Variants in SOX5 observed in about 807,000 individuals in gnomAD.
The protein encoded by SOX5 is SRY-box transcription factor 5.
SOX5 carries 9 observed loss-of-function variants against 92.0 expected under a neutral mutation model. The ratio of observed to expected loss-of-function variants is 0.10; its 90% CI spans 0.06 to 0.17. The LOEUF (loss-of-function observed/expected upper bound fraction) is 0.17, where lower values mean the gene tolerates loss of function less well. SOX5 is among the 10% of genes least tolerant of loss of function. The pLI is 1.00. For synonymous variants in SOX5, 344 were observed against 336.3 expected, an observed-to-expected ratio of 1.02 and a Z score of -0.25; for missense variants, 642 against 944.5, an observed-to-expected ratio of 0.68 and a Z score of 4.20.
chr12:23,871,080 T>G (rs997558587), intron 2 of SOX5, among the ~76,000 whole-genome samples: 2 of 152,140 alleles, frequency 1.3e-5, no homozygotes, highest in Non-Finnish European at 2.9e-5. Flanking sequence ...AGGTGTATAT[T>G]TTTCCTCAAA....
chr12:24,029,223 T>C (rs919279511), intron 4 of SOX5, among the ~76,000 whole-genome samples: 4 of 152,106 alleles, frequency 2.6e-5, no homozygotes, highest in South Asian at 2.1e-4. Flanking sequence ...CAGTTAAATG[T>C]ACCTTAATAG....
chr12:23,696,145 G>A (rs2089814903), intron 6 of SOX5, among the ~76,000 whole-genome samples: 1 of 151,798 alleles, frequency 6.6e-6, no homozygotes, highest in African/African-American at 2.4e-5. Flanking sequence ...GTGGTTTTGG[G>A]AAGTATTCAT....
At chr12:24,488,918 T>C (rs1946783606) in intron 1 of SOX5, among the ~76,000 whole-genome samples, 1 of 152,198 alleles carries the variant, frequency 6.6e-6, no homozygotes. Context: ...GATTCTATAT[T>C]TTTAAAATAT....
rs139161296 is a variant in SOX5 at position 23,622,374 on chromosome 12, G to A, written c.1018-17841C>T. ...TTCAGTTCATATTCCAATGAGTGAA[G>A]TGACAAATTAGCTTTTTTAAAAAAA... On this transcript the variant is annotated intron_variant, in intron 8 of 14. Transcript: ENST00000451604. 2.0e-3 allele frequency among the ~76,000 whole-genome samples: 311 copies of A among 151,914 alleles called. 1 individual carries two copies. Among genetic ancestry groups the A allele is most frequent in the African/African-American group, 7.0e-3 (290 of 41,460 alleles).
At chr12:24,305,601 G>T (rs1948473316) in intron 2 of SOX5, among the ~76,000 whole-genome samples, 1 of 152,144 alleles carries the variant, frequency 6.6e-6, no homozygotes, top group Non-Finnish European at 1.5e-5. Flanking sequence ...TTATTTGTGT[G>T]TGTGGTTTTT....
intron 1 of SOX5, among the ~76,000 whole-genome samples, chr12:23,947,481 G>A (rs544844987): frequency 2.6e-5 from 4 of 151,896 alleles, no homozygotes; most frequent in Non-Finnish European, 4.4e-5. Context: ...ACACTCACCC[G>A]TACAAATTCA....
intron 3 of SOX5, among the ~76,000 whole-genome samples, chr12:23,814,359 T>G (rs2095942389): frequency 6.6e-6 from 1 of 152,176 alleles, no homozygotes; most frequent in South Asian, 2.1e-4. Context: ...ACTATACTCT[T>G]GCACAATGAG....
intron 2 of SOX5, among the ~76,000 whole-genome samples, chr12:24,319,919 A>G (rs972843409): frequency 1.3e-5 from 2 of 152,226 alleles, no homozygotes; most frequent in Non-Finnish European, 2.9e-5. Context: ...CATTCCTGAC[A>G]AACTTAACAA....
chr12:24,526,988 C>T (rs1950769133), intron 1 of SOX5, among the ~76,000 whole-genome samples: 1 of 151,956 alleles, frequency 6.6e-6, no homozygotes. Context: ...CATACAGTCT[C>T]TGTATGGTGC....
At chr12:24,546,923 C>A (rs1356014399) in intron 1 of SOX5, among the ~76,000 whole-genome samples, 4 of 152,124 alleles carry the variant, frequency 2.6e-5, no homozygotes, top group Non-Finnish European at 4.4e-5. Flanking sequence ...AAGGCTTGGA[C>A]ATAGGCCATT....
intron 6 of SOX5, among the ~76,000 whole-genome samples, chr12:23,702,961 C>T (rs1242270329): frequency 6.6e-6 from 1 of 152,014 alleles, no homozygotes; most frequent in Non-Finnish European, 1.5e-5. Context: ...CCATGGGTAA[C>T]TGCACATTCA....
intron 3 of SOX5, among the ~76,000 whole-genome samples, chr12:24,219,456 T>C (rs1959870455): frequency 6.6e-6 from 1 of 152,070 alleles, no homozygotes; most frequent in Admixed American, 6.5e-5. Context: ...CCACAATAAT[T>C]CAAACTTCTA....
chr12:24,331,848 C>CAAAAAAAAAAAAAAAAAAA (rs10627494), intron 2 of SOX5, among the ~76,000 whole-genome samples: 1 of 31,658 alleles, frequency 3.2e-5, no homozygotes, highest in Non-Finnish European at 5.2e-5. Flanking sequence ...AAGACTGTCT[C>CAAAAAAAAAAAAAAAAAAA]AAAAAAAAAA....
At position 23,724,743 on chromosome 12, in the gene SOX5, A is replaced by G. The variant is rs533620300; in HGVS notation, c.810+9941T>C. ...ATTTGAAGAGATTTGAATGAAGTAAAGGTCTAAATTATATGATTAAAAGAG... is the reference window on the plus strand; with the variant it reads ...ATTTGAAGAGATTTGAATGAAGTAAGGGTCTAAATTATATGATTAAAAGAG... On this transcript the variant is annotated intron_variant, in intron 6 of 14. Transcript: ENST00000451604. Among the ~76,000 whole-genome samples the G allele has an allele frequency of 1.1e-4, 16 of 152,288 alleles. No individual in the cohort carries two copies. In the South Asian group the frequency reaches 3.3e-3, roughly 32 times the overall value.
At chr12:24,371,400 T>C (rs1224984667) in intron 1 of SOX5, among the ~76,000 whole-genome samples, 3 of 152,222 alleles carry the variant, frequency 2.0e-5, no homozygotes, top group Non-Finnish European at 4.4e-5. Flanking sequence ...AGCCTCATGA[T>C]ACCCTGAACA....
At chr12:23,578,828 A>T (rs1360504409) in intron 9 of SOX5, among the ~76,000 whole-genome samples, 2 of 152,236 alleles carry the variant, frequency 1.3e-5, no homozygotes, top group Non-Finnish European at 2.9e-5. Context: ...TTCTGTCATG[A>T]TGCCTTTAGA....
chr12:23,829,315 C>T (rs1438138511), intron 3 of SOX5, among the ~76,000 whole-genome samples: 2 of 152,092 alleles, frequency 1.3e-5, no homozygotes, highest in Non-Finnish European at 2.9e-5. Flanking sequence ...CACAGACACA[C>T]AAAATCCTCC....
intron 4 of SOX5, among the ~76,000 whole-genome samples, chr12:23,967,449 T>C (rs1947725932): frequency 7.6e-6 from 1 of 130,818 alleles, no homozygotes; most frequent in South Asian, 2.7e-4. Flanking sequence ...GCAAGTTTCT[T>C]TTCATAAAAT....
intron 11 of SOX5, among the ~76,000 whole-genome samples, chr12:23,562,510 A>G (rs1946385067): frequency 6.6e-6 from 1 of 152,188 alleles, no homozygotes; most frequent in African/African-American, 2.4e-5. Flanking sequence ...CTACTGGATC[A>G]ATTTATCTAG....
Sources: allele counts gnomAD v4.1 joint callset (sites outside exome capture counted in the v4.1 genomes callset), GRCh38; gene constraint gnomAD v4.1.1; transcripts MANE v1.5; gene names NCBI Gene and HGNC (gene_info 2026-07-23, HGNC 2026-07-21).